TMEM17: variants seen among roughly 807,000 people sequenced by gnomAD.
The protein encoded by TMEM17 is transmembrane protein 17.
A neutral mutation model predicts 19.1 loss-of-function variants in TMEM17; 15 were observed. The ratio of observed to expected loss-of-function variants is 0.78; its 90% CI spans 0.52 to 1.21. The LOEUF is 1.21. Among genes scored for constraint, TMEM17 ranks in the 50% most tolerant of loss-of-function variants. TMEM17 has a pLI of 0.00. For synonymous variants in TMEM17, 103 were observed against 86.9 expected (o/e 1.19, Z -1.03); for missense variants, 245 against 242.3 (o/e 1.01, Z -0.07).
chr2:62,496,296 T>G (rs181033997), downstream of TMEM17, among the ~76,000 whole-genome samples: 37 of 152,332 alleles, frequency 2.4e-4, no homozygotes, highest in Admixed American at 7.2e-4. Flanking sequence ...CAATTTCACT[T>G]CCAGGAATCT....
At chr2:62,497,434 T>C (rs532336753), downstream of TMEM17, among the ~76,000 whole-genome samples, 4 of 152,362 alleles carry the variant, frequency 2.6e-5, no homozygotes, top group South Asian at 2.1e-4. Flanking sequence ...TTTCTTCTCA[T>C]GTACCCTTCC....
rs1679908865 is a variant in TMEM17, at chr2:62,500,849, AACC to A, written c.*357_*359del. On this transcript the variant is annotated 3_prime_UTR_variant, in exon 4 of 4. Transcript: ENST00000335390. ...TCATATGTACAGACAAGACATGGAT[AACC>A]AACAAGTTTTAAAGAAATGTATACA... The A allele has an allele frequency of 1.1e-5, 2 of 175,150 alleles. No individual in the cohort carries two copies. Among genetic ancestry groups the A allele is most frequent in the South Asian group, 3.2e-4 (2 of 6,344 alleles). 10.8% of individuals were successfully genotyped at this position (175,150 alleles called of 1,614,324 possible). A position where few individuals can be genotyped will look rare whatever the true frequency, so the allele number is the denominator to read the frequency against.
At chr2:62,481,698 GGTGTGTGTGTGT>G in the TMEM17 span, among the ~76,000 whole-genome samples, 18 of 144,160 alleles carry the variant, frequency 1.2e-4, no homozygotes, top group South Asian at 2.3e-3. Context: ...ACCCCTTAAA[GGTGTGTGTGTGT>G]GTGTGTGTGT....
Position 62,501,151 on chromosome 2 carries a change from T to C in TMEM17, c.*58A>G, listed in dbSNP as rs1048630341. 1.3e-6 allele frequency: 2 copies of C among 1,548,054 alleles called. No individual in the cohort carries two copies. The highest frequency in any genetic ancestry group is 1.7e-4 in the Middle Eastern group (1 of 5,780). ...TCCCTTTTCTCAGAGCTCTGATATT[T>C]TCCTAACTCTTACAGTCTCTAGAAT... On this transcript the variant is annotated 3_prime_UTR_variant, in exon 4 of 4. Coordinates refer to ENST00000335390, the MANE Select transcript of TMEM17 (RefSeq NM_198276.3).
chr2:62,505,899 C>G, intron 1 of TMEM17, 131 bp downstream of exon 1: 6 of 911,752 alleles, frequency 6.6e-6, no homozygotes, highest in Non-Finnish European at 1.0e-5. Context: ...CTCCAAGGCG[C>G]TCTCCCGCAC....
At chr2:62,481,134 G>C in the TMEM17 span, among the ~76,000 whole-genome samples, 2 of 152,052 alleles carry the variant, frequency 1.3e-5, no homozygotes, top group South Asian at 4.2e-4. Context: ...CCCTGTAGAA[G>C]TCTTTCACCT....
At chr2:62,468,053 A>C in the TMEM17 span, among the ~76,000 whole-genome samples, 1 of 152,098 alleles carries the variant, frequency 6.6e-6, no homozygotes, top group Non-Finnish European at 1.5e-5. Context: ...TGTTAGTGGT[A>C]TAACAGTAGC....
chr2:62,497,674 G>T (rs10188696), downstream of TMEM17, among the ~76,000 whole-genome samples: 135,083 of 152,242 alleles, frequency 0.89, 59,989 homozygotes, highest in Admixed American at 0.92. Flanking sequence ...TACCAGACAG[G>T]GAACTTTTTG....
At chr2:62,481,069 T>C in the TMEM17 span, among the ~76,000 whole-genome samples, 1 of 152,174 alleles carries the variant, frequency 6.6e-6, no homozygotes, top group Non-Finnish European at 1.5e-5. Context: ...GAGATGTCTT[T>C]TGATTTTTTA....
downstream of TMEM17, among the ~76,000 whole-genome samples, chr2:62,498,396 G>GAA (rs36071175): frequency 5.2e-4 from 64 of 123,146 alleles, no homozygotes; most frequent in Admixed American, 8.9e-4. Flanking sequence ...CAAGAAAAAA[G>GAA]AAAAAAAAAA....
chr2:62,469,089 A>T, the TMEM17 span, among the ~76,000 whole-genome samples: 619 of 152,338 alleles, frequency 4.1e-3, 7 homozygotes, highest in African/African-American at 0.015. Context: ...AATGCATTTG[A>T]TGATATTTCA....
At chr2:62,472,240 A>C in the TMEM17 span, among the ~76,000 whole-genome samples, 1 of 152,222 alleles carries the variant, frequency 6.6e-6, no homozygotes, top group African/African-American at 2.4e-5. Flanking sequence ...AAAGCTCTGA[A>C]ATGTGAGAGG....
chr2:62,496,205 A>C (rs1679774456), downstream of TMEM17, among the ~76,000 whole-genome samples: 1 of 152,174 alleles, frequency 6.6e-6, no homozygotes, highest in Non-Finnish European at 1.5e-5. Context: ...CTATTTTTAG[A>C]ATTGTGCGTG....
the TMEM17 span, among the ~76,000 whole-genome samples, chr2:62,475,370 C>G: frequency 7.9e-5 from 12 of 152,358 alleles, no homozygotes; most frequent in South Asian, 1.7e-3. Flanking sequence ...CGAGAGGGAC[C>G]GCTGAGTGCG....
At chr2:62,505,988 C>T (rs1046818361) in intron 1 of TMEM17, 42 bp downstream of exon 1, 3 of 1,555,790 alleles carry the variant, frequency 1.9e-6, no homozygotes, top group African/African-American at 2.8e-5. Flanking sequence ...ACGCCAAGCC[C>T]TCGGCAGGCC....
chr2:62,477,602 G>A, the TMEM17 span, among the ~76,000 whole-genome samples: 2 of 152,220 alleles, frequency 1.3e-5, no homozygotes, highest in African/African-American at 4.8e-5. Flanking sequence ...GAAAGCAAAA[G>A]ACATGGGCTG....
chr2:62,474,297 T>C, the TMEM17 span, among the ~76,000 whole-genome samples: 912 of 152,284 alleles, frequency 6.0e-3, 4 homozygotes, highest in Non-Finnish European at 8.5e-3. Flanking sequence ...GATATTTAAA[T>C]GAGATCTATA....
the TMEM17 span, among the ~76,000 whole-genome samples, chr2:62,492,110 G>A: frequency 2.0e-5 from 3 of 152,032 alleles, no homozygotes; most frequent in African/African-American, 7.2e-5. Context: ...TTCCTGCTTT[G>A]GCTTCTAGAT....
the TMEM17 span, among the ~76,000 whole-genome samples, chr2:62,475,383 T>C: frequency 6.6e-6 from 1 of 152,248 alleles, no homozygotes; most frequent in African/African-American, 2.4e-5. Flanking sequence ...TGAGTGCGGC[T>C]GTCCTCTCCA....
Sources: gnomAD v4.1 joint callset for allele counts (sites outside exome capture counted in the v4.1 genomes callset) on GRCh38, gnomAD v4.1.1 for gene constraint, MANE v1.5 for transcripts, NCBI Gene and HGNC (gene_info 2026-07-23, HGNC 2026-07-21) for gene names.